Variants in ROBO1 observed in about 807,000 individuals in gnomAD.
The protein encoded by ROBO1 is roundabout guidance receptor 1.
A neutral mutation model predicts 195.9 loss-of-function variants in ROBO1; 149 were observed. That is an observed-to-expected ratio of 0.76 (90% CI 0.67 to 0.87). The LOEUF is 0.87. Ranked by LOEUF, ROBO1 falls within the 40% of genes least tolerant of loss-of-function variation. The pLI is 0.00. For missense variants in ROBO1, 1,933 were observed against 2,068.3 expected (o/e 0.93, Z 1.27); for synonymous variants, 816 against 733.2 (o/e 1.11, Z -1.82).
At chr3:79,009,600 G>A (rs981548809) in intron 3 of ROBO1, among the ~76,000 whole-genome samples, 1 of 152,164 alleles carries the variant, frequency 6.6e-6, no homozygotes, top group African/African-American at 2.4e-5. Flanking sequence ...ACTTCTGAAA[G>A]AGTATTGATT....
intron 2 of ROBO1, among the ~76,000 whole-genome samples, chr3:79,392,407 G>A (rs896915789): frequency 1.3e-5 from 2 of 152,116 alleles, no homozygotes; most frequent in East Asian, 1.9e-4. Context: ...AGGTCAGATG[G>A]AGTCTATTTC....
At chr3:78,882,291 T>C (rs1463423298) in intron 4 of ROBO1, among the ~76,000 whole-genome samples, 1 of 152,166 alleles carries the variant, frequency 6.6e-6, no homozygotes, top group East Asian at 1.9e-4. Flanking sequence ...AAATTGATAG[T>C]GAAATGAGGC....
At chr3:79,542,947 A>T (rs971461954) in intron 2 of ROBO1, among the ~76,000 whole-genome samples, 1 of 152,092 alleles carries the variant, frequency 6.6e-6, no homozygotes, top group Non-Finnish European at 1.5e-5. Context: ...ATTTCACAAG[A>T]ATATCACATT....
At chr3:79,564,287 T>C (rs1943020866) in intron 2 of ROBO1, among the ~76,000 whole-genome samples, 1 of 152,114 alleles carries the variant, frequency 6.6e-6, no homozygotes, top group Non-Finnish European at 1.5e-5. Flanking sequence ...GAGTGTAGGC[T>C]AGCCATGGTT....
At chr3:79,145,016 C>CA (rs1350657580) in intron 2 of ROBO1, among the ~76,000 whole-genome samples, 1 of 151,886 alleles carries the variant, frequency 6.6e-6, no homozygotes, top group Non-Finnish European at 1.5e-5. Flanking sequence ...AATTGTTCTA[C>CA]AAAAAAGATT....
At chr3:79,121,971 C>T (rs921438591) in intron 3 of ROBO1, among the ~76,000 whole-genome samples, 2 of 151,892 alleles carry the variant, frequency 1.3e-5, no homozygotes, top group African/African-American at 4.8e-5. Flanking sequence ...TGACAGAAAT[C>T]TATACATAAA....
intron 1 of ROBO1, among the ~76,000 whole-genome samples, chr3:79,714,359 G>A (rs558028072): frequency 6.6e-6 from 1 of 152,168 alleles, no homozygotes; most frequent in Non-Finnish European, 1.5e-5. Context: ...ACAGATGCTG[G>A]AGAGGATGTG....
rs183663489 is a variant in ROBO1 at position 78,691,632 on chromosome 3, G to A, written c.1046-2860C>T. ...GTAGAGTTACAGGGTCTGAAAATAT[G>A]CAAAGATCGAGAGTGTATTAATAAG... is the stretch of plus-strand genomic sequence containing the variant. On this transcript the variant is annotated intron_variant, in intron 8 of 30. Transcript: ENST00000464233. 2.7e-3 allele frequency among the ~76,000 whole-genome samples: 404 copies of A among 152,248 alleles called. 3 individuals carry two copies. The highest frequency in any genetic ancestry group is 1.8e-3 in the Non-Finnish European group (125 of 67,992).
rs5850392 is a variant in ROBO1 at position 78,761,261 on chromosome 3, TAA to T, written c.500-14363_500-14362del. 5.0e-3 allele frequency among the ~76,000 whole-genome samples: 747 copies of T among 150,890 alleles called. 7 individuals carry two copies. Among genetic ancestry groups the T allele is most frequent in the African/African-American group, 0.017 (706 of 41,178 alleles). On this transcript the variant is annotated intron_variant, in intron 4 of 30. Transcript: ENST00000464233. Reference sequence around the variant, plus strand: ...AAACCATTAGCAACTTCAAGAAACTTAAAAAAAAAAATACAAAGATGTTTCAG... The same window carrying T: ...AAACCATTAGCAACTTCAAGAAACTTAAAAAAAAATACAAAGATGTTTCAG...
intron 2 of ROBO1, among the ~76,000 whole-genome samples, chr3:79,241,487 G>A (rs1423925430): frequency 6.6e-6 from 1 of 151,900 alleles, no homozygotes; most frequent in Non-Finnish European, 1.5e-5. Flanking sequence ...ACCAGGATAA[G>A]TCACCTATCT....
chr3:78,919,016 A>G (rs1172256547), intron 4 of ROBO1, among the ~76,000 whole-genome samples: 3 of 152,188 alleles, frequency 2.0e-5, no homozygotes, highest in Non-Finnish European at 4.4e-5. Context: ...CAAATATTTT[A>G]CCCATTTTGG....
At chr3:79,530,362 G>C (rs1263645129) in intron 2 of ROBO1, among the ~76,000 whole-genome samples, 3 of 151,954 alleles carry the variant, frequency 2.0e-5, no homozygotes, top group African/African-American at 7.3e-5. Context: ...GAGTTCGAGA[G>C]AGATTTTTTT....
At chr3:79,186,816 A>T (rs960294686) in intron 2 of ROBO1, among the ~76,000 whole-genome samples, 3 of 152,100 alleles carry the variant, frequency 2.0e-5, no homozygotes, top group Non-Finnish European at 4.4e-5. Context: ...TGTAAAATAA[A>T]CTACCCTAGG....
chr3:79,277,790 T>TTA (rs1553711862), intron 2 of ROBO1, among the ~76,000 whole-genome samples: 1 of 149,268 alleles, frequency 6.7e-6, no homozygotes, highest in African/African-American at 2.5e-5. Context: ...ACATTAAAAA[T>TTA]AAAAAAAAAC....
chr3:79,271,662 T>A (rs1015016745), intron 2 of ROBO1, among the ~76,000 whole-genome samples: 24 of 151,988 alleles, frequency 1.6e-4, no homozygotes, highest in African/African-American at 5.8e-4. Flanking sequence ...CTCTTCCTCC[T>A]CAGTGAGATA....
chr3:78,660,163 C>T lies in ROBO1; in HGVS notation c.2321-356G>A, dbSNP rs182672598. 3.0e-3 allele frequency: 514 copies of T among 170,712 alleles called. 2 individuals are homozygous for T. The highest frequency in any genetic ancestry group is 4.5e-3 in the Non-Finnish European group (356 of 78,700). 10.6% of individuals were successfully genotyped at this position (170,712 alleles called of 1,614,324 possible). On this transcript the variant is annotated intron_variant, in intron 16 of 30. Transcript: ENST00000464233. ...CTCGAACTCGTGACTTCAGGTGATC[C>T]GCCCGCCTCAGCCTCCTAAAGTGCT...
At chr3:78,700,764 CTT>C (rs71127355) in intron 8 of ROBO1, among the ~76,000 whole-genome samples, 3 of 144,404 alleles carry the variant, frequency 2.1e-5, no homozygotes, top group African/African-American at 5.3e-5. Context: ...ATCTTTTTTT[CTT>C]TTTTTTTTTT....
At chr3:79,596,229 A>C (rs1295361785) in intron 1 of ROBO1, among the ~76,000 whole-genome samples, 3 of 152,076 alleles carry the variant, frequency 2.0e-5, no homozygotes, top group Non-Finnish European at 4.4e-5. Flanking sequence ...ATTTTTGAAC[A>C]GCTAATCTAT....
In ROBO1 at chr3:79,533,004, A is replaced by G. The variant is rs369781962; in HGVS notation, c.88+56820T>C. 6 of 328,876 alleles carry G rather than the reference A, an allele frequency of 1.8e-5. No individual in the cohort carries two copies. The Admixed American group carries it at 2.6e-4, about 14-fold the overall frequency. The allele number at this position is 328,876 out of a possible 1,614,324, so 20.4% of individuals were successfully genotyped here. On this transcript the variant is annotated intron_variant, in intron 2 of 30. Coordinates refer to ENST00000464233, the MANE Select transcript of ROBO1 (RefSeq NM_002941.4). ...TCTGCTTTAAAAAAAAGTATCTTGTAATTAAGTACCTTGGAGAAGAATTGA... is the reference window on the plus strand; with the variant it reads ...TCTGCTTTAAAAAAAAGTATCTTGTGATTAAGTACCTTGGAGAAGAATTGA...
Sources: allele counts gnomAD v4.1 joint callset (sites outside exome capture counted in the v4.1 genomes callset), GRCh38; gene constraint gnomAD v4.1.1; transcripts MANE v1.5; gene names NCBI Gene and HGNC (gene_info 2026-07-23, HGNC 2026-07-21).